Variants in ROBO1 observed in about 807,000 individuals in gnomAD.
ROBO1 encodes roundabout guidance receptor 1.
Under a neutral mutation model 195.9 loss-of-function variants are expected in ROBO1, and 149 were observed. The ratio of observed to expected loss-of-function variants is 0.76; its 90% confidence interval spans 0.67 to 0.87. The LOEUF (loss-of-function observed/expected upper bound fraction) is 0.87. Ranked by LOEUF, ROBO1 falls within the 40% of genes least tolerant of loss-of-function variation. The probability of loss-of-function intolerance (pLI) is 0.00; values close to 1 mark genes in which losing one functional copy is unlikely to be tolerated. For synonymous variants in ROBO1, 816 were observed against 733.2 expected, an observed-to-expected ratio of 1.11 and a Z score of -1.82; for missense variants, 1,933 against 2,068.3, an observed-to-expected ratio of 0.93 and a Z score of 1.27.
At chr3:79,652,146 C>A (rs1946029175) in intron 1 of ROBO1, among the ~76,000 whole-genome samples, 1 of 151,924 alleles carries the variant, frequency 6.6e-6, no homozygotes, top group South Asian at 2.1e-4. Flanking sequence ...AAAAAATATA[C>A]CACACTAGTT....
At chr3:79,619,514 C>A (rs917868976) in intron 1 of ROBO1, among the ~76,000 whole-genome samples, 1 of 152,100 alleles carries the variant, frequency 6.6e-6, no homozygotes, top group African/African-American at 2.4e-5. Context: ...CCTACAAGAT[C>A]TAGATAACCC....
chr3:78,936,885 G>A (rs2039841553), intron 4 of ROBO1, among the ~76,000 whole-genome samples: 1 of 152,012 alleles, frequency 6.6e-6, no homozygotes, highest in African/African-American at 2.4e-5. Flanking sequence ...CTAGCCTTCT[G>A]TTATGATGAC....
At chr3:78,641,223 G>GTC (rs1705929912) in intron 21 of ROBO1, among the ~76,000 whole-genome samples, 2 of 152,136 alleles carry the variant, frequency 1.3e-5, no homozygotes, top group African/African-American at 4.8e-5. Context: ...GAAATGGGAC[G>GTC]TCTAAGAGAG....
At chr3:79,569,827 G>A (rs890592558) in intron 2 of ROBO1, among the ~76,000 whole-genome samples, 3 of 151,968 alleles carry the variant, frequency 2.0e-5, no homozygotes, top group Non-Finnish European at 2.9e-5. Flanking sequence ...GGCCTGGCAC[G>A]GTGGCTCACT....
At chr3:79,349,311 A>G (rs990093812) in intron 2 of ROBO1, among the ~76,000 whole-genome samples, 3 of 152,164 alleles carry the variant, frequency 2.0e-5, no homozygotes, top group African/African-American at 7.2e-5. Context: ...AATTAAAGAC[A>G]CTTTTAATAA....
intron 10 of ROBO1, among the ~76,000 whole-genome samples, chr3:78,679,779 G>A (rs2080844673): frequency 6.6e-6 from 1 of 152,102 alleles, no homozygotes; most frequent in African/African-American, 2.4e-5. Flanking sequence ...TAGATTCAAT[G>A]CCATCCCCAT....
intron 2 of ROBO1, among the ~76,000 whole-genome samples, chr3:79,313,001 T>C (rs1326172210): frequency 1.3e-5 from 2 of 152,080 alleles, no homozygotes; most frequent in Non-Finnish European, 2.9e-5. Context: ...TTAAAAAGTA[T>C]GATATATTCT....
intron 8 of ROBO1, 148 bp downstream of exon 8, chr3:78,714,249 T>C (rs928645737): frequency 5.6e-6 from 4 of 720,016 alleles, no homozygotes; most frequent in Non-Finnish European, 8.2e-6. Context: ...AAACAATATG[T>C]GTTCTTTAAA....
chr3:78,847,208 A>T (rs2033727207), intron 4 of ROBO1, among the ~76,000 whole-genome samples: 1 of 152,174 alleles, frequency 6.6e-6, no homozygotes, highest in Admixed American at 6.6e-5. Flanking sequence ...ACTAAATGAA[A>T]TCATATGGAG....
At chr3:78,840,511 C>T (rs923290168) in intron 4 of ROBO1, among the ~76,000 whole-genome samples, 2 of 152,110 alleles carry the variant, frequency 1.3e-5, no homozygotes, top group African/African-American at 4.8e-5. Flanking sequence ...GAAGAGTACT[C>T]ATATTCACAT....
chr3:79,629,818 T>A (rs1945286096), intron 1 of ROBO1, among the ~76,000 whole-genome samples: 1 of 152,126 alleles, frequency 6.6e-6, no homozygotes, highest in South Asian at 2.1e-4. Context: ...ATATTAAGAC[T>A]GATACCATAT....
At chr3:78,658,754 T>C (rs1443032965) in intron 17 of ROBO1, among the ~76,000 whole-genome samples, 2 of 152,226 alleles carry the variant, frequency 1.3e-5, no homozygotes, top group Non-Finnish European at 2.9e-5. Flanking sequence ...TTAATATAGT[T>C]TCAATACATA....
intron 2 of ROBO1, among the ~76,000 whole-genome samples, chr3:79,159,281 A>G (rs2080913063): frequency 6.6e-6 from 1 of 152,022 alleles, no homozygotes; most frequent in Non-Finnish European, 1.5e-5. Context: ...CTATAATATC[A>G]ATTTTATTTC....
intron 2 of ROBO1, among the ~76,000 whole-genome samples, chr3:79,444,909 G>A (rs1161884982): frequency 6.6e-6 from 1 of 151,932 alleles, no homozygotes; most frequent in African/African-American, 2.4e-5. Flanking sequence ...ATGCAAATAT[G>A]TTAAAGCTAT....
intron 3 of ROBO1, among the ~76,000 whole-genome samples, chr3:78,984,516 C>T (rs1465381234): frequency 6.6e-6 from 1 of 152,024 alleles, no homozygotes; most frequent in Non-Finnish European, 1.5e-5. Flanking sequence ...AAAAATGAAG[C>T]GAAAAATGTT....
At chr3:78,867,801 C>T (rs973859950) in intron 4 of ROBO1, among the ~76,000 whole-genome samples, 2 of 152,088 alleles carry the variant, frequency 1.3e-5, no homozygotes, top group African/African-American at 4.8e-5. Context: ...AAGTGGCCCA[C>T]AATAGAACCC....
chr3:78,778,811 C>T (rs1246095971), intron 4 of ROBO1, among the ~76,000 whole-genome samples: 1 of 152,104 alleles, frequency 6.6e-6, no homozygotes, highest in East Asian at 1.9e-4. Context: ...CAAGACAATC[C>T]TAAGCAAAAA....
intron 4 of ROBO1, among the ~76,000 whole-genome samples, chr3:78,751,970 A>G (rs2082807596): frequency 6.6e-6 from 1 of 152,116 alleles, no homozygotes; most frequent in Non-Finnish European, 1.5e-5. Context: ...AGACTACTTT[A>G]TCAATGAAAT....
chr3:78,632,706 G>T (rs1705254416), intron 24 of ROBO1, among the ~76,000 whole-genome samples: 1 of 152,082 alleles, frequency 6.6e-6, no homozygotes, highest in Admixed American at 6.6e-5. Flanking sequence ...TCTAAGCTGA[G>T]GGATGCTGAA....
Sources: allele counts gnomAD v4.1 joint callset (sites outside exome capture counted in the v4.1 genomes callset), GRCh38; gene constraint gnomAD v4.1.1; transcripts MANE v1.5; gene names NCBI Gene and HGNC (gene_info 2026-07-23, HGNC 2026-07-21).